Variants in SEPTIN10 observed in about 807,000 individuals in gnomAD.
SEPTIN10 encodes the protein septin-10.
In SEPTIN10, 66 loss-of-function variants were observed where a neutral mutation model predicts 54.8. The ratio of observed to expected loss-of-function variants is 1.21; its 90% CI spans 0.99 to 1.48. SEPTIN10 has a LOEUF of 1.48. Ranked by LOEUF, SEPTIN10 falls within the 40% of genes most tolerant of loss-of-function variation. The probability of loss-of-function intolerance (pLI) is 0.00; values close to 1 mark genes in which losing one functional copy is unlikely to be tolerated. For missense variants in SEPTIN10, 620 were observed against 545.6 expected, an observed-to-expected ratio of 1.14 and a Z score of -1.36; for synonymous variants, 161 against 181.0, an observed-to-expected ratio of 0.89 and a Z score of 0.89.
At chr2:109,602,146 G>C (rs541368073) in intron 1 of SEPTIN10, among the ~76,000 whole-genome samples, 22 of 152,272 alleles carry the variant, frequency 1.4e-4, no homozygotes, top group Non-Finnish European at 2.9e-4. Context: ...GCTGATTTCC[G>C]TACTAAGTGG....
At chr2:109,550,369 G>A (rs1445820228) in intron 9 of SEPTIN10, among the ~76,000 whole-genome samples, 2 of 151,196 alleles carry the variant, frequency 1.3e-5, no homozygotes, top group African/African-American at 4.9e-5. Context: ...CTGGAGTGCA[G>A]TGGCATAATC....
chr2:109,606,937 C>T (rs1698131802), intron 1 of SEPTIN10, among the ~76,000 whole-genome samples: 1 of 152,070 alleles, frequency 6.6e-6, no homozygotes, highest in African/African-American at 2.4e-5. Flanking sequence ...CAGGCATGAG[C>T]CACCACGCCC....
intron 8 of SEPTIN10, among the ~76,000 whole-genome samples, chr2:109,554,882 T>C (rs1483207112): frequency 6.6e-6 from 1 of 152,186 alleles, no homozygotes; most frequent in Non-Finnish European, 1.5e-5. Context: ...TCACTGTATG[T>C]AGAAACTTGG....
In SEPTIN10 at chr2:109,591,215, A is replaced by T. The variant is rs566187218; in HGVS notation, c.99+1836T>A. On this transcript the variant is annotated intron_variant, in intron 2 of 10. Coordinates refer to ENST00000397712, the MANE Select transcript of SEPTIN10 (RefSeq NM_144710.5). Reference sequence around the variant, plus strand: ...AAGTGTTCAAGATGGTAAGAACTTCATAACTTGTTAAAGTTGTTATCTGAT... The same window carrying T: ...AAGTGTTCAAGATGGTAAGAACTTCTTAACTTGTTAAAGTTGTTATCTGAT... Among the ~76,000 whole-genome samples, 166 of 152,354 alleles carry T rather than the reference A, an allele frequency of 1.1e-3. 1 individual carries two copies. The highest frequency in any genetic ancestry group is 3.8e-3 in the African/African-American group (158 of 41,588).
chr2:109,585,933 A>T (rs1692430871), intron 2 of SEPTIN10, 95 bp from the exon 3 acceptor site: 1 of 846,266 alleles, frequency 1.2e-6, no homozygotes, highest in Non-Finnish European at 1.9e-6. Flanking sequence ...TATATCAAAT[A>T]AATGAAAATT....
Position 109,543,928 on chromosome 2 carries a change from T to C in SEPTIN10, c.*381A>G, listed in dbSNP as rs1430682520. 4 of 535,456 alleles carry C rather than the reference T, an allele frequency of 7.5e-6. No individual in the cohort carries two copies. The highest frequency in any genetic ancestry group is 6.6e-6 in the Non-Finnish European group (2 of 304,308). 33.2% of individuals were successfully genotyped at this position (535,456 alleles called of 1,614,324 possible). On this transcript the variant is annotated 3_prime_UTR_variant, in exon 11 of 11. Coordinates refer to ENST00000397712, the MANE Select transcript of SEPTIN10 (RefSeq NM_144710.5). ...TAATTCATGTTTCACATCCACCTTATACATATAGCCTGAAAGTAATTTATA... is the reference window on the plus strand; with the variant it reads ...TAATTCATGTTTCACATCCACCTTACACATATAGCCTGAAAGTAATTTATA...
chr2:109,578,716 G>A lies in SEPTIN10; in HGVS notation c.414-3949C>T, dbSNP rs1005167630. Among the ~76,000 whole-genome samples the A allele has an allele frequency of 5.3e-5, 8 of 152,058 alleles. 1 individual carries two copies. In the South Asian group the frequency reaches 1.7e-3, roughly 32 times the overall value. ...TGGGAGGCGGTGGTTACAGTGAACC[G>A]AGATTGTGCCACTGCACTCTAGCCT... On this transcript the variant is annotated intron_variant, in intron 4 of 10. Transcript: ENST00000397712.
In SEPTIN10 at chr2:109,592,061, A is replaced by C. The variant is rs577360174; in HGVS notation, c.99+990T>G. Among the ~76,000 whole-genome samples the C allele has an allele frequency of 3.9e-5, 6 of 152,320 alleles. 1 individual carries two copies. The highest frequency in any genetic ancestry group is 1.4e-4 in the African/African-American group (6 of 41,568). ...CCTCCCCACAGACCCTTAGAAGCAT[A>C]AGGTGTAATCTTGCATCAGGGAGGC... On this transcript the variant is annotated intron_variant, in intron 2 of 10. Coordinates refer to ENST00000397712, the MANE Select transcript of SEPTIN10 (RefSeq NM_144710.5).
intron 4 of SEPTIN10, among the ~76,000 whole-genome samples, chr2:109,577,680 A>G (rs1690025069): frequency 6.6e-6 from 1 of 152,080 alleles, no homozygotes; most frequent in Non-Finnish European, 1.5e-5. Flanking sequence ...TGGGAGGCCA[A>G]GGTGAGAAGA....
At chr2:109,584,549 T>C (rs1692020339) in intron 4 of SEPTIN10, among the ~76,000 whole-genome samples, 2 of 150,474 alleles carry the variant, frequency 1.3e-5, no homozygotes, top group South Asian at 4.2e-4. Flanking sequence ...GCTTTACCAA[T>C]CCTTTTCCCC....
At chr2:109,565,293 C>T (rs942133922) in intron 7 of SEPTIN10, among the ~76,000 whole-genome samples, 1 of 151,866 alleles carries the variant, frequency 6.6e-6, no homozygotes, top group African/African-American at 2.4e-5. Flanking sequence ...GTAAATGAAC[C>T]ATATAATACT....
At chr2:109,606,997 GTTATT>G (rs928458397) in intron 1 of SEPTIN10, among the ~76,000 whole-genome samples, 6 of 152,124 alleles carry the variant, frequency 3.9e-5, no homozygotes, top group African/African-American at 1.4e-4. Flanking sequence ...GGCTTCTCAT[GTTATT>G]TTAAGTTTCA....
rs1360101150 is a variant in SEPTIN10, at chr2:109,585,194, A to G, written c.345T>C (p.Ser115=). Reference sequence around the variant, plus strand: ...CAATGGTCAATTTCAATTGAACATTACTTTCCTGGAGTTCATATGTCTGAG... The same window carrying G: ...CAATGGTCAATTTCAATTGAACATTGCTTTCCTGGAGTTCATATGTCTGAG... The part of the protein sequence containing the change: ...LKAQTYELQE[S]NVQLKLTIVN... The change falls in exon 4 of 11, where the codon AGT becomes AGC. Residue 115 remains serine (S), a synonymous_variant. Coordinates refer to ENST00000397712, the MANE Select transcript of SEPTIN10 (RefSeq NM_144710.5). The G allele has an allele frequency of 3.1e-6, 5 of 1,611,984 alleles. No individual in the cohort carries two copies. Among genetic ancestry groups the G allele is most frequent in the African/African-American group, 2.7e-5 (2 of 74,880 alleles).
intron 4 of SEPTIN10, among the ~76,000 whole-genome samples, chr2:109,578,350 A>G (rs1209690424): frequency 3.9e-5 from 6 of 152,200 alleles, no homozygotes; most frequent in Admixed American, 3.9e-4. Flanking sequence ...ACTACACCAA[A>G]CATACATAGG....
In SEPTIN10 at chr2:109,546,218, T is replaced by G; in HGVS notation, c.1181A>C (p.His394Pro). 12 of 1,557,424 alleles carry G rather than the reference T, an allele frequency of 7.7e-6. No homozygotes were observed. Among genetic ancestry groups the G allele is most frequent in the Non-Finnish European group, 1.0e-5 (12 of 1,154,084 alleles). ...AERELQAKFE[H>P]LKRLHQEERM... The stretch of plus-strand genomic sequence containing the variant: ...CTCTTCTTGGTGAAGTCTCTTAAGG[T>G]GCTCAAATTTGGCCTGTAGCTGGAA... The change falls in exon 10 of 11, where the codon CAC (histidine) becomes CCC (proline). Residue 394 changes from histidine (H) to proline (P), a missense_variant. By Grantham distance (77) the His-to-Pro change is moderately conservative. Coordinates refer to ENST00000397712, the MANE Select transcript of SEPTIN10 (RefSeq NM_144710.5).
chr2:109,593,246 A>C (rs2105956131), intron 1 of SEPTIN10, 127 bp from the exon 2 acceptor site: 1 of 523,460 alleles, frequency 1.9e-6, no homozygotes, highest in Middle Eastern at 2.8e-4. Flanking sequence ...TTTGATGTGT[A>C]GTCTACATTA....
intron 1 of SEPTIN10, among the ~76,000 whole-genome samples, chr2:109,596,629 A>G (rs896323531): frequency 2.0e-5 from 3 of 152,058 alleles, no homozygotes; most frequent in Non-Finnish European, 2.9e-5. Flanking sequence ...AAAGAAAAAA[A>G]AAAAGAAAAA....
chr2:109,558,731 G>C (rs1228211894), intron 8 of SEPTIN10, among the ~76,000 whole-genome samples: 1 of 152,094 alleles, frequency 6.6e-6, no homozygotes, highest in African/African-American at 2.4e-5. Flanking sequence ...AACAAAGAGG[G>C]CCAGGAAGTA....
chr2:109,560,881 C>T (rs920475512), intron 8 of SEPTIN10, among the ~76,000 whole-genome samples: 1 of 152,128 alleles, frequency 6.6e-6, no homozygotes, highest in Non-Finnish European at 1.5e-5. Context: ...TCCAATTTTA[C>T]CTTCTAGTCA....
Sources: gnomAD v4.1 joint callset for allele counts (sites outside exome capture counted in the v4.1 genomes callset) on GRCh38, gnomAD v4.1.1 for gene constraint, MANE v1.5 for transcripts, NCBI Gene and HGNC (gene_info 2026-07-23, HGNC 2026-07-21) for gene names.